Variants in FUBP3 observed in about 807,000 individuals in gnomAD.
The protein encoded by FUBP3 is far upstream element binding protein 3.
In FUBP3, 28 loss-of-function variants were observed where a neutral mutation model predicts 85.6. The ratio of observed to expected loss-of-function variants is 0.33; its 90% CI spans 0.24 to 0.45. FUBP3 has a LOEUF of 0.45. Ranked by LOEUF, FUBP3 falls within the 20% of genes least tolerant of loss-of-function variation. FUBP3 has a pLI of 1.00. For synonymous variants in FUBP3, 271 were observed against 271.4 expected (o/e 1.00, Z 0.01); for missense variants, 583 against 755.1 (o/e 0.77, Z 2.67).
chr9:130,591,014 TG>T (rs111955974), intron 1 of FUBP3, among the ~76,000 whole-genome samples: 89,301 of 144,480 alleles, frequency 0.62, 27,921 homozygotes, highest in East Asian at 0.91. Context: ...TGTTTGTTTT[TG>T]TTTTTTTTTT....
At chr9:130,613,163 C>T in intron 5 of FUBP3, 136 bp downstream of exon 5, 1 of 630,290 alleles carries the variant, frequency 1.6e-6, no homozygotes, top group East Asian at 2.7e-5. Flanking sequence ...GAGTTGGACT[C>T]CTAAATGAGA....
chr9:130,587,930 A>G (rs1432124512), intron 1 of FUBP3, among the ~76,000 whole-genome samples: 1 of 152,234 alleles, frequency 6.6e-6, no homozygotes, highest in South Asian at 2.1e-4. Context: ...GCCTAAGCAT[A>G]GGAGAGATGA....
Position 130,632,194 on chromosome 9 carries a change from A to G in FUBP3, c.1434-8A>G. ...TATAGGAACGAGTGACCCTCTTGTT[A>G]TCCACAGTGGTCCTCCGGCCTTTCT... On this transcript the variant is annotated splice_region_variant and splice_polypyrimidine_tract_variant and intron_variant, in intron 15 of 18. Coordinates refer to ENST00000319725, the MANE Select transcript of FUBP3 (RefSeq NM_003934.2). 3 of 1,612,352 alleles carry G rather than the reference A, an allele frequency of 1.9e-6. No individual in the cohort carries two copies. The highest frequency in any genetic ancestry group is 1.1e-5 in the South Asian group (1 of 91,058).
In FUBP3 at chr9:130,614,334, A is replaced by G. The variant is rs1185839335; in HGVS notation, c.393A>G (p.Pro131=). Residue 131 remains proline, a synonymous_variant, in exon 6 of 19, where the codon CCA becomes CCG. Transcript: ENST00000319725. ...GGCCCTGTGTACTTACCGGAACCCC[A>G]GAAAGTATTGAGTAAGTTTATTTTA... ...PERPCVLTGT[P]ESIEQAKRLL... 2 of 1,592,568 alleles carry G rather than the reference A, an allele frequency of 1.3e-6. No individual in the cohort carries two copies. The highest frequency in any genetic ancestry group is 1.7e-6 in the Non-Finnish European group (2 of 1,160,654).
At chr9:130,601,801 ATTTTTTT>A (rs113638192) in intron 2 of FUBP3, among the ~76,000 whole-genome samples, 1 of 117,378 alleles carries the variant, frequency 8.5e-6, no homozygotes, top group Non-Finnish European at 1.7e-5. Context: ...ATAATTCCTA[ATTTTTTT>A]TTTTTTTTTT....
chr9:130,631,087 C>A, intron 13 of FUBP3: 1 of 1,108,756 alleles, frequency 9.0e-7, no homozygotes, highest in Non-Finnish European at 1.1e-6. Context: ...CCTCCCCCCA[C>A]GCTGCCCCGG....
rs547113458 is a variant in FUBP3, at chr9:130,626,373, G to A, written c.985G>A (p.Gly329Ser). Residue 329 changes from glycine (G) to serine (S), a missense_variant, in exon 12 of 19, where the codon GGC becomes AGC. By Grantham distance (56) the Gly-to-Ser change is moderately conservative. This residue lies in a region of FUBP3 where 404 missense variants were observed against 516.8 expected (regional missense o/e 0.78). Coordinates refer to ENST00000319725, the MANE Select transcript of FUBP3 (RefSeq NM_003934.2). ...CCTGTGATCTTTCCAGGAAAGAGAC[G>A]GCTTTGGAGGCCTGGCAGCAGCCAG... ...ELILTAQERDGFGGLAAARGR... is the reference protein window; with the variant it reads ...ELILTAQERDSFGGLAAARGR... The A allele has an allele frequency of 4.9e-5, 79 of 1,612,718 alleles. No homozygotes were observed. In the South Asian group the frequency reaches 6.5e-4, roughly 13 times the overall value.
chr9:130,617,908 C>T lies in FUBP3; in HGVS notation c.666+13C>T. On this transcript the variant is annotated intron_variant, in intron 8 of 18. Transcript: ENST00000319725. The stretch of plus-strand genomic sequence containing the variant: ...ATTTAAAGTACAGGTAGGAAAGTGC[C>T]ATGGGTTGGGTGAGTCCTGGCTGTT... 1 of 1,404,698 alleles carries T rather than the reference C, an allele frequency of 7.1e-7. No individual in the cohort carries two copies. Among genetic ancestry groups the T allele is most frequent in the Non-Finnish European group, 1.0e-6 (1 of 994,486 alleles). The allele number at this position is 1,404,698 out of a possible 1,614,324, so 87.0% of individuals were successfully genotyped here.
intron 2 of FUBP3, among the ~76,000 whole-genome samples, chr9:130,599,037 A>C (rs1274392957): frequency 6.6e-6 from 1 of 152,178 alleles, no homozygotes; most frequent in African/African-American, 2.4e-5. Context: ...TCACGCCTGT[A>C]ATCCCAGCAC....
intron 1 of FUBP3, chr9:130,581,063 A>G (rs1830113669): frequency 6.6e-6 from 1 of 152,238 alleles, no homozygotes; most frequent in Non-Finnish European, 1.5e-5. Flanking sequence ...ACTGGCTACT[A>G]ATATGTAATG....
intron 1 of FUBP3, among the ~76,000 whole-genome samples, chr9:130,590,831 T>C (rs1830592004): frequency 6.6e-6 from 1 of 152,100 alleles, no homozygotes. Context: ...AAATGTGCAC[T>C]GAGAATAATT....
At position 130,614,483 on chromosome 9, in the gene FUBP3, A is replaced by G. The variant is rs1267735202; in HGVS notation, c.404+138A>G. 7 of 573,250 alleles carry G rather than the reference A, an allele frequency of 1.2e-5. No homozygotes were observed. The South Asian group carries it at 1.6e-4, about 13-fold the overall frequency. 35.5% of individuals were successfully genotyped at this position (573,250 alleles called of 1,614,324 possible). On this transcript the variant is annotated intron_variant, in intron 6 of 18. Coordinates refer to ENST00000319725, the MANE Select transcript of FUBP3 (RefSeq NM_003934.2). ...ACACAGGTAGATAATTCCATAGGAA[A>G]AAAATCTGGGAGGTTACTGTGCCAG...
In FUBP3 at chr9:130,579,744, G is replaced by T; in HGVS notation, c.64G>T (p.Ala22Ser). Residue 22 changes from alanine to serine, a missense_variant, in exon 1 of 19, where the codon GCC becomes TCC. Coordinates refer to ENST00000319725, the MANE Select transcript of FUBP3 (RefSeq NM_003934.2). ...GATGAAGGCCGAGGGCTTCGTGGAT[G>T]CCCTGCACCGGGTCCGGCAGGTACG... is the stretch of plus-strand genomic sequence containing the variant. ...VGMKAEGFVDALHRVRQIAAK... is the reference protein window; with the variant it reads ...VGMKAEGFVDSLHRVRQIAAK... 7.8e-7 allele frequency: 1 copy of T among 1,281,128 alleles called. No homozygotes were observed. 79.4% of individuals were successfully genotyped at this position (1,281,128 alleles called of 1,614,324 possible). A position where few individuals can be genotyped will look rare whatever the true frequency, so the allele number is the denominator to read the frequency against.
intron 2 of FUBP3, among the ~76,000 whole-genome samples, chr9:130,602,104 C>T (rs753709496): frequency 8.6e-5 from 13 of 152,000 alleles, no homozygotes; most frequent in Non-Finnish European, 1.5e-4. Flanking sequence ...CCAGCCAATT[C>T]CTAATTTTTA....
intron 11 of FUBP3, among the ~76,000 whole-genome samples, chr9:130,624,354 T>TC (rs1432297141): frequency 6.6e-6 from 1 of 152,182 alleles, no homozygotes; most frequent in African/African-American, 2.4e-5. Flanking sequence ...CTCTATGTGA[T>TC]CCCCTAAGAG....
chr9:130,585,513 T>C (rs1444939648), intron 1 of FUBP3, among the ~76,000 whole-genome samples: 1 of 152,224 alleles, frequency 6.6e-6, no homozygotes, highest in Non-Finnish European at 1.5e-5. Flanking sequence ...ATTTGATCTA[T>C]AGGCTGTTTA....
rs551969920 is a variant in FUBP3 at position 130,607,408 on chromosome 9, C to T, written c.191-2546C>T. ...ATATAGTGCACAAGGGAAACGAGAA[C>T]TACACCTGTATATGCTGGAATTGCT... On this transcript the variant is annotated intron_variant, in intron 2 of 18. Transcript: ENST00000319725. Among the ~76,000 whole-genome samples the T allele has an allele frequency of 8.5e-5, 13 of 152,144 alleles. No individual in the cohort carries two copies. The Middle Eastern group carries it at 0.01, about 119-fold the overall frequency.
intron 6 of FUBP3, among the ~76,000 whole-genome samples, chr9:130,614,620 A>G (rs911461836): frequency 2.0e-5 from 3 of 152,204 alleles, no homozygotes; most frequent in African/African-American, 7.2e-5. Flanking sequence ...CCCCACCTGA[A>G]TGCTCTAATC....
At chr9:130,632,762 C>G (rs1830266762) in intron 16 of FUBP3, among the ~76,000 whole-genome samples, 1 of 152,248 alleles carries the variant, frequency 6.6e-6, no homozygotes, top group South Asian at 2.1e-4. Flanking sequence ...TCTTCTGCAT[C>G]CCGCCTCTCC....
Sources: allele counts gnomAD v4.1 joint callset (sites outside exome capture counted in the v4.1 genomes callset), GRCh38; gene constraint gnomAD v4.1.1; regional missense constraint gnomAD v4.1.1; transcripts MANE v1.5; gene names NCBI Gene and HGNC (gene_info 2026-07-23, HGNC 2026-07-21).